Variants in ABR observed in about 807,000 individuals in gnomAD.
The protein encoded by ABR is active breakpoint cluster region-related protein.
Under a neutral mutation model 107.2 loss-of-function variants are expected in ABR, and 35 were observed. The ratio of observed to expected loss-of-function variants is 0.33; its 90% CI spans 0.25 to 0.43. ABR has a LOEUF of 0.43. Among genes scored for constraint, ABR ranks in the 20% least tolerant of loss-of-function variants. The probability of loss-of-function intolerance (pLI) is 1.00; values close to 1 mark genes in which losing one functional copy is unlikely to be tolerated. For missense variants in ABR, 815 were observed against 1,115.2 expected, an observed-to-expected ratio of 0.73 and a Z score of 3.83; for synonymous variants, 498 against 462.0, an observed-to-expected ratio of 1.08 and a Z score of -1.00.
chr17:1,110,946 G>T (rs1431407676), intron 2 of ABR, among the ~76,000 whole-genome samples: 1 of 152,088 alleles, frequency 6.6e-6, no homozygotes, highest in African/African-American at 2.4e-5. Flanking sequence ...ATTTGGTGCG[G>T]GCGGGTGAGG....
chr17:1,012,719 C>A lies in ABR; in HGVS notation c.1930G>T (p.Val644Phe). ...ACCACGCTGATCTTCACACCGAAGA[C>A]GCCGGTCTGCTTTTTGGACGGGGTC... ...KRTPSKKQTG[V>F]FGVKISVVTK... Residue 644 changes from valine to phenylalanine, a missense_variant, in exon 18 of 23, where the codon GTC (valine) becomes TTC (phenylalanine). By Grantham distance (50) the Val-to-Phe change is conservative. Around this residue, in one of 5 missense-constraint regions of ABR, gnomAD observed 175 missense variants for 284.3 expected, o/e 0.62. Transcript: ENST00000302538. 6.3e-7 allele frequency: 1 copy of A among 1,593,148 alleles called. No individual in the cohort carries two copies.
At chr17:1,174,442 TC>T in intron 1 of ABR, among the ~76,000 whole-genome samples, 1 of 152,096 alleles carries the variant, frequency 6.6e-6, no homozygotes, top group Non-Finnish European at 1.5e-5. Context: ...AGTGGCTTGG[TC>T]CCTGGTGTAG....
rs2256125 is a variant in ABR, at chr17:1,148,145, C to T, written c.62-22778G>A. ...GCCCAAAGGTTGTCGGGGAAATACC[C>T]GCATTCCTAAGAGCATTATTGACAC... On this transcript the variant is annotated intron_variant, in intron 1 of 22. Transcript: ENST00000302538. The surrounding 1 kb of genome is among the most constrained non-coding windows in gnomAD (Gnocchi z 4.9). Among the ~76,000 whole-genome samples the T allele has an allele frequency of 0.25, 37,612 of 152,200 alleles. 5,060 individuals carry two copies. The highest frequency in any genetic ancestry group is 0.34 in the African/African-American group (13,978 of 41,496).
At chr17:1,104,887 T>C (rs1038357070) in intron 2 of ABR, among the ~76,000 whole-genome samples, 1 of 152,132 alleles carries the variant, frequency 6.6e-6, no homozygotes, top group African/African-American at 2.4e-5. Flanking sequence ...GCAGGCACCA[T>C]AGGGCACAGG....
chr17:1,045,505 A>G (rs569560449), intron 16 of ABR, among the ~76,000 whole-genome samples: 1 of 152,380 alleles, frequency 6.6e-6, no homozygotes, highest in East Asian at 1.9e-4. Context: ...AGGAGGCAGC[A>G]GGACATCTAG....
chr17:1,146,845 G>GGCCACCACT (rs71362517), intron 1 of ABR, among the ~76,000 whole-genome samples: 152 of 137,794 alleles, frequency 1.1e-3, no homozygotes, highest in African/African-American at 3.9e-3. Flanking sequence ...ACTGCCACCA[G>GGCCACCACT]GCCACCACTG....
At chr17:1,085,611 T>G (rs1391509843) in intron 4 of ABR, among the ~76,000 whole-genome samples, 2 of 152,174 alleles carry the variant, frequency 1.3e-5, no homozygotes, top group African/African-American at 2.4e-5. Context: ...TATCGTTCAG[T>G]GCAGTCGCCA....
At chr17:1,058,433 C>A (rs1438630336) in intron 11 of ABR, among the ~76,000 whole-genome samples, 1 of 152,218 alleles carries the variant, frequency 6.6e-6, no homozygotes, top group Non-Finnish European at 1.5e-5. Flanking sequence ...AGCCACTGTG[C>A]CCGGCCCAAA....
intron 10 of ABR, among the ~76,000 whole-genome samples, chr17:1,066,461 T>C (rs2034752635): frequency 6.6e-6 from 1 of 152,192 alleles, no homozygotes; most frequent in African/African-American, 2.4e-5. Context: ...CCCAGGTCCT[T>C]TTCCTTGCAC....
intron 1 of ABR, among the ~76,000 whole-genome samples, chr17:1,212,087 A>G (rs1158173978): frequency 1.3e-5 from 2 of 151,524 alleles, no homozygotes; most frequent in Non-Finnish European, 2.9e-5. Flanking sequence ...CATCTCGAAA[A>G]AAAAAAAAAT....
At chr17:1,077,223 G>C (rs2035808938) in intron 6 of ABR, among the ~76,000 whole-genome samples, 1 of 152,124 alleles carries the variant, frequency 6.6e-6, no homozygotes, top group Non-Finnish European at 1.5e-5. Context: ...AGCGTTCTTG[G>C]AAAGAGTGAC....
At chr17:1,172,836 C>T (rs1353397393) in intron 1 of ABR, among the ~76,000 whole-genome samples, 1 of 152,046 alleles carries the variant, frequency 6.6e-6, no homozygotes, top group East Asian at 1.9e-4. Flanking sequence ...TCACATGTCA[C>T]AAACAGCCTC....
At chr17:1,012,113 G>A in intron 18 of ABR, 128 bp from the exon 19 acceptor site, 1 of 1,485,678 alleles carries the variant, frequency 6.7e-7, no homozygotes, top group Non-Finnish European at 9.2e-7. Context: ...GGCGGGGGCA[G>A]GGGCAGGGCA....
intron 10 of ABR, among the ~76,000 whole-genome samples, chr17:1,066,397 T>G (rs7223604): frequency 0.68 from 103,179 of 152,086 alleles, 35,335 homozygotes; most frequent in East Asian, 0.85. Flanking sequence ...GGCATTCAGG[T>G]CCTCTCTCTC....
intron 1 of ABR, among the ~76,000 whole-genome samples, chr17:1,152,802 T>A (rs2040852489): frequency 1.3e-5 from 2 of 150,418 alleles, no homozygotes. Flanking sequence ...ACAAAAAAAA[T>A]TCTGACACAG....
chr17:1,112,883 A>G (rs892904407), intron 2 of ABR, among the ~76,000 whole-genome samples: 1 of 151,856 alleles, frequency 6.6e-6, no homozygotes, highest in African/African-American at 2.4e-5. Context: ...CCAATCAGCA[A>G]GCATTTGTTA....
At chr17:1,136,204 ATCTGT>A (rs1567812084) in intron 1 of ABR, among the ~76,000 whole-genome samples, 1 of 151,622 alleles carries the variant, frequency 6.6e-6, no homozygotes, top group African/African-American at 2.4e-5. Flanking sequence ...TGAAAATCTG[ATCTGT>A]TTTGTTTTTG....
At chr17:1,081,125 AC>A (rs1337820387) in intron 5 of ABR, among the ~76,000 whole-genome samples, 1 of 151,970 alleles carries the variant, frequency 6.6e-6, no homozygotes, top group East Asian at 1.9e-4. Context: ...ACCATGTCTG[AC>A]CCCGGGATCT....
At chr17:1,141,761 A>ATTAT (rs2040295193) in intron 1 of ABR, among the ~76,000 whole-genome samples, 2 of 145,454 alleles carry the variant, frequency 1.4e-5, no homozygotes, top group East Asian at 4.9e-4. Flanking sequence ...TACGACTTAA[A>ATTAT]TTCTTTTTTT....
Sources: gnomAD v4.1 joint callset for allele counts (sites outside exome capture counted in the v4.1 genomes callset) on GRCh38, gnomAD v4.1.1 for gene constraint, gnomAD v4.1.1 regional missense constraint, Gnocchi (gnomAD v3.1) non-coding constraint, MANE v1.5 for transcripts, NCBI Gene and HGNC (gene_info 2026-07-23, HGNC 2026-07-21) for gene names.